The following COL4A5 variants were observed in gnomAD, a reference collection of about 807,000 sequenced individuals.
COL4A5 encodes the protein collagen alpha-5(IV) chain.
Under a neutral mutation model 130.2 loss-of-function variants are expected in COL4A5, and 26 were observed. The observed-to-expected ratio is 0.20, with a 90% confidence interval of 0.15 to 0.28. COL4A5 has a LOEUF of 0.28. COL4A5 is among the 10% of genes least tolerant of loss of function. The pLI is 1.00. For missense variants in COL4A5, 1,131 were observed against 1,344.3 expected (o/e 0.84, Z 2.48); for synonymous variants, 496 against 439.6 (o/e 1.13, Z -1.60).
intron 19 of COL4A5, among the ~76,000 whole-genome samples, chrX:108,588,200 A>T (rs2066368582): frequency 9.0e-6 from 1 of 111,306 alleles, no homozygotes; most frequent in African/African-American, 3.3e-5. Flanking sequence ...TTCTAGATGC[A>T]TGTGGTACAG....
intron 2 of COL4A5, among the ~76,000 whole-genome samples, chrX:108,548,887 T>C (rs1419639165): frequency 3.6e-5 from 4 of 111,417 alleles, no homozygotes; most frequent in Non-Finnish European, 7.5e-5. Flanking sequence ...TAAAATATAC[T>C]TCAAAAATAA....
chrX:108,615,482 G>T (rs1202751355), intron 30 of COL4A5, among the ~76,000 whole-genome samples: 1 of 110,585 alleles, frequency 9.0e-6, no homozygotes, highest in Non-Finnish European at 1.9e-5. Context: ...TTTTTTTTCA[G>T]TGAGTTATTT....
chrX:108,617,990 G>A (rs1175336955), intron 30 of COL4A5, among the ~76,000 whole-genome samples: 1 of 111,828 alleles, frequency 8.9e-6, no homozygotes, highest in East Asian at 2.8e-4. Flanking sequence ...TTGGGTAGGG[G>A]GAGGGTGTGT....
chrX:108,658,830 TATTA>T (rs759690962), intron 37 of COL4A5, among the ~76,000 whole-genome samples: 3 of 111,415 alleles, frequency 2.7e-5, no homozygotes, highest in Non-Finnish European at 5.7e-5. Context: ...CATTAAGCTT[TATTA>T]ATTGTTAAAA....
At chrX:108,466,069 A>G (rs868732388) in intron 1 of COL4A5, among the ~76,000 whole-genome samples, 2 of 111,724 alleles carry the variant, frequency 1.8e-5, no homozygotes, top group Middle Eastern at 4.6e-3. Flanking sequence ...GTTCAACTTC[A>G]TTGTACATCA....
At chrX:108,696,030 G>C in intron 52 of COL4A5, 1 of 320,747 alleles carries the variant, frequency 3.1e-6, no homozygotes, top group Non-Finnish European at 5.5e-6. Flanking sequence ...ATGTATGAGA[G>C]AAAGAGAAAA....
At position 108,655,316 on chromosome X, in the gene COL4A5, T is replaced by G. The variant is rs748375767; in HGVS notation, c.3247-15T>G. On this transcript the variant is annotated splice_polypyrimidine_tract_variant and intron_variant, in intron 36 of 52. Coordinates refer to ENST00000328300, the MANE Select transcript of COL4A5 (RefSeq NM_033380.3). Reference sequence around the variant, plus strand: ...TGTAGAGACTTCAGTATTATCTTTTTATTCGTGTTTTCAGGGTGAGCCTGG... The same window carrying G: ...TGTAGAGACTTCAGTATTATCTTTTGATTCGTGTTTTCAGGGTGAGCCTGG... The G allele has an allele frequency of 4.1e-6, 5 of 1,208,435 alleles. No homozygotes were observed. Among genetic ancestry groups the G allele is most frequent in the Non-Finnish European group, 5.6e-6 (5 of 893,655 alleles).
At chrX:108,578,761 C>T (rs1455792181) in intron 13 of COL4A5, among the ~76,000 whole-genome samples, 1 of 106,294 alleles carries the variant, frequency 9.4e-6, no homozygotes, top group Non-Finnish European at 1.9e-5. Context: ...CTCACTGCAA[C>T]CTCCGCCTCC....
At chrX:108,531,149 A>T (rs2065378937) in intron 1 of COL4A5, among the ~76,000 whole-genome samples, 1 of 95,899 alleles carries the variant, frequency 1.0e-5, no homozygotes, top group Non-Finnish European at 2.1e-5. Flanking sequence ...CATAGGTGGG[A>T]ATTGAACAAT....
At position 108,601,937 on chromosome X, in the gene COL4A5, A is replaced by G; in HGVS notation, c.2094A>G (p.Lys698=). ...QPGLPGIPGS[K]GEPGIPGIGL... ...GCTTGCCAGGGATACCTGGTAGCAA[A>G]GGAGAACCAGGTATCCCTGGAATTG... Residue 698 remains lysine (K), a synonymous_variant, in exon 27 of 53, where the codon AAA becomes AAG. Transcript: ENST00000328300. 8.6e-7 allele frequency: 1 copy of G among 1,167,664 alleles called. No homozygotes were observed. The highest frequency in any genetic ancestry group is 1.2e-6 in the Non-Finnish European group (1 of 868,828).
chrX:108,514,386 C>T (rs998504110), intron 1 of COL4A5, among the ~76,000 whole-genome samples: 1 of 111,787 alleles, frequency 8.9e-6, no homozygotes, highest in South Asian at 3.7e-4. Context: ...AAGCATAATC[C>T]TTAGGAATAT....
At chrX:108,479,964 G>C (rs1219978867) in intron 1 of COL4A5, among the ~76,000 whole-genome samples, 3 of 111,527 alleles carry the variant, frequency 2.7e-5, no homozygotes, top group African/African-American at 9.8e-5. Flanking sequence ...ACTCACCTAT[G>C]GGGGCCTGCC....
chrX:108,625,575 A>G, intron 34 of COL4A5, 130 bp from the exon 35 acceptor site: 1 of 492,711 alleles, frequency 2.0e-6, no homozygotes, highest in Admixed American at 2.9e-5. Flanking sequence ...CTATCTGTGG[A>G]CCTTAATCAT....
intron 1 of COL4A5, among the ~76,000 whole-genome samples, chrX:108,509,311 G>GA (rs745949399): frequency 3.1e-4 from 35 of 111,485 alleles, no homozygotes; most frequent in African/African-American, 1.0e-3. Flanking sequence ...AGAGGATCAG[G>GA]AAAAATAACT....
In COL4A5 at chrX:108,668,488, T is replaced by A; in HGVS notation, c.3774T>A (p.Gly1258=). The change falls in exon 41 of 53, where the codon GGT becomes GGA. Residue 1258 remains glycine, a synonymous_variant. Transcript: ENST00000328300. The part of the protein sequence containing the change: ...EGPKGNPGPQ[G]PPGRPGPTGF... ...CTAAAGGCAACCCTGGGCCCCAAGGTCCTCCTGGGAGACCAGGTATGTCCG... is the reference window on the plus strand; with the variant it reads ...CTAAAGGCAACCCTGGGCCCCAAGGACCTCCTGGGAGACCAGGTATGTCCG... 8.4e-7 allele frequency: 1 copy of A among 1,185,610 alleles called. No homozygotes were observed. Among genetic ancestry groups the A allele is most frequent in the Non-Finnish European group, 1.1e-6 (1 of 883,309 alleles).
chrX:108,470,951 C>T lies in COL4A5; in HGVS notation c.81+30745C>T, dbSNP rs146363067. On this transcript the variant is annotated intron_variant, in intron 1 of 52. Coordinates refer to ENST00000328300, the MANE Select transcript of COL4A5 (RefSeq NM_033380.3). ...GCTGAGTTTGTCGAAGATCAGATGGCTGTAGGTGAAAGGCTTTATTTCTGG... is the reference window on the plus strand; with the variant it reads ...GCTGAGTTTGTCGAAGATCAGATGGTTGTAGGTGAAAGGCTTTATTTCTGG... 3.6e-5 allele frequency among the ~76,000 whole-genome samples: 4 copies of T among 111,515 alleles called. No individual in the cohort carries two copies. In the East Asian group the frequency reaches 1.1e-3, roughly 32 times the overall value.
intron 1 of COL4A5, among the ~76,000 whole-genome samples, chrX:108,454,423 G>A (rs759068640): frequency 1.4e-4 from 15 of 110,360 alleles, no homozygotes; most frequent in Admixed American, 5.8e-4. Context: ...GATTACAGGC[G>A]CCCGCCACCA....
At chrX:108,663,116 T>C (rs1055287413) in intron 37 of COL4A5, among the ~76,000 whole-genome samples, 3 of 112,303 alleles carry the variant, frequency 2.7e-5, no homozygotes, top group African/African-American at 9.7e-5. Context: ...ATTTGTTACA[T>C]AGCAAGAGAA....
At chrX:108,498,774 A>G (rs771341043) in intron 1 of COL4A5, among the ~76,000 whole-genome samples, 1 of 111,670 alleles carries the variant, frequency 9.0e-6, no homozygotes, top group Non-Finnish European at 1.9e-5. Context: ...TTTGGATGCC[A>G]TTGTAAATGG....
Sources: gnomAD v4.1 joint callset for allele counts (sites outside exome capture counted in the v4.1 genomes callset) on GRCh38, gnomAD v4.1.1 for gene constraint, MANE v1.5 for transcripts, NCBI Gene and HGNC (gene_info 2026-07-23, HGNC 2026-07-21) for gene names.